PTPN12: variants seen among roughly 807,000 people sequenced by gnomAD.
The protein encoded by PTPN12 is protein tyrosine phosphatase non-receptor type 12, also known as tyrosine-protein phosphatase non-receptor type 12.
Under a neutral mutation model 97.6 loss-of-function variants are expected in PTPN12, and 29 were observed. That is an observed-to-expected ratio of 0.30 (90% CI 0.22 to 0.41). The LOEUF (loss-of-function observed/expected upper bound fraction) is 0.41, where lower values mean the gene tolerates loss of function less well. Ranked by LOEUF, PTPN12 falls within the 10% of genes least tolerant of loss-of-function variation. PTPN12 has a pLI of 1.00. For missense variants in PTPN12, 819 were observed against 926.0 expected (o/e 0.88, Z 1.50); for synonymous variants, 327 against 300.4 (o/e 1.09, Z -0.91).
chr7:77,571,994 T>C (rs543585701), intron 2 of PTPN12, among the ~76,000 whole-genome samples: 1 of 152,334 alleles, frequency 6.6e-6, no homozygotes, highest in South Asian at 2.1e-4. Flanking sequence ...TTTTTCTTTC[T>C]TCATAAGTAT....
At chr7:77,636,390 T>C (rs118129645) in intron 15 of PTPN12, among the ~76,000 whole-genome samples, 2,785 of 152,150 alleles carry the variant, frequency 0.018, 33 homozygotes, top group Middle Eastern at 0.071. Flanking sequence ...AAGACCATCC[T>C]GGGCAACATG....
intron 2 of PTPN12, among the ~76,000 whole-genome samples, chr7:77,573,857 T>C (rs2151322369): frequency 6.6e-6 from 1 of 152,340 alleles, no homozygotes; most frequent in East Asian, 1.9e-4. Flanking sequence ...GCCTACCAGC[T>C]TCAAGCTATT....
chr7:77,573,130 A>G lies in PTPN12; in HGVS notation c.208+1944A>G, dbSNP rs117619674. On this transcript the variant is annotated intron_variant, in intron 2 of 17. Transcript: ENST00000248594. ...CAAAAAAAACCAGTGTACCTAGCAC[A>G]TAGTAACCAATCATTAAGCTTTTGC... Among the ~76,000 whole-genome samples the G allele has an allele frequency of 5.1e-4, 76 of 149,732 alleles. 3 individuals are homozygous for G. In the East Asian group the frequency reaches 0.015, roughly 29 times the overall value.
intron 7 of PTPN12, among the ~76,000 whole-genome samples, chr7:77,599,317 CT>C (rs10624183): frequency 6.1e-4 from 76 of 123,872 alleles, no homozygotes; most frequent in Non-Finnish European, 7.4e-4. Context: ...AGCGCCCCGA[CT>C]TTTTTTTTTT....
At chr7:77,592,120 ATATT>A in intron 5 of PTPN12, 61 bp from the exon 6 acceptor site, 1 of 1,398,654 alleles carries the variant, frequency 7.1e-7, no homozygotes, top group Non-Finnish European at 9.9e-7. Context: ...AGGACACAAA[ATATT>A]TATAACAGTT....
At chr7:77,565,703 T>C (rs895963332) in intron 1 of PTPN12, among the ~76,000 whole-genome samples, 1 of 152,234 alleles carries the variant, frequency 6.6e-6, no homozygotes, top group Non-Finnish European at 1.5e-5. Flanking sequence ...CTTTTGAGAA[T>C]CCATTTATTG....
chr7:77,569,412 A>C (rs757530960), intron 1 of PTPN12, among the ~76,000 whole-genome samples: 4 of 152,182 alleles, frequency 2.6e-5, no homozygotes, highest in Non-Finnish European at 4.4e-5. Flanking sequence ...GATGGTATGA[A>C]TAAAACAAAT....
chr7:77,607,349 T>A, intron 9 of PTPN12, 48 bp downstream of exon 9: 1 of 1,314,022 alleles, frequency 7.6e-7, no homozygotes, highest in Non-Finnish European at 1.1e-6. Flanking sequence ...CTATTATGAT[T>A]TTCAAACTTA....
chr7:77,613,241 C>T (rs1316674560), intron 11 of PTPN12, among the ~76,000 whole-genome samples: 1 of 120,966 alleles, frequency 8.3e-6, no homozygotes, highest in Non-Finnish European at 1.6e-5. Context: ...GTAGCACAGT[C>T]TCGGCTCACT....
intron 1 of PTPN12, among the ~76,000 whole-genome samples, chr7:77,564,744 G>A (rs1232779775): frequency 6.4e-4 from 22 of 34,364 alleles, no homozygotes; most frequent in Admixed American, 3.4e-3. Context: ...TTTTGTTGTC[G>A]TGTTTTTTTT....
intron 2 of PTPN12, among the ~76,000 whole-genome samples, chr7:77,576,106 G>A (rs1286802668): frequency 2.6e-5 from 4 of 152,036 alleles, no homozygotes; most frequent in African/African-American, 9.7e-5. Flanking sequence ...CGCCTGCCTC[G>A]GCCTCCCAAA....
intron 1 of PTPN12, among the ~76,000 whole-genome samples, chr7:77,542,245 GT>G: frequency 6.6e-6 from 1 of 152,322 alleles, no homozygotes; most frequent in East Asian, 1.9e-4. Context: ...CATGGAGAAA[GT>G]AGGGAGGTGT....
intron 15 of PTPN12, among the ~76,000 whole-genome samples, chr7:77,636,590 C>T (rs944062174): frequency 6.6e-5 from 10 of 152,126 alleles, no homozygotes; most frequent in Non-Finnish European, 1.5e-4. Flanking sequence ...TCAGCAACAA[C>T]ACATTTGTCC....
chr7:77,637,917 T>G (rs942355767), intron 16 of PTPN12, among the ~76,000 whole-genome samples: 9 of 148,798 alleles, frequency 6.0e-5, no homozygotes, highest in African/African-American at 2.2e-4. Context: ...AGTGCATTAA[T>G]TAACCCTGAC....
chr7:77,611,884 C>T (rs1394157145), intron 11 of PTPN12, among the ~76,000 whole-genome samples: 1 of 152,156 alleles, frequency 6.6e-6, no homozygotes, highest in Non-Finnish European at 1.5e-5. Flanking sequence ...GACAAAAACA[C>T]TGTATTCTCT....
At chr7:77,622,769 C>T (rs189590809) in intron 12 of PTPN12, among the ~76,000 whole-genome samples, 1 of 147,592 alleles carries the variant, frequency 6.8e-6, no homozygotes, top group Non-Finnish European at 1.5e-5. Flanking sequence ...AGACTCTTGT[C>T]TCAAAAAAAA....
intron 1 of PTPN12, among the ~76,000 whole-genome samples, chr7:77,542,358 G>T (rs1807019223): frequency 6.6e-6 from 1 of 152,160 alleles, no homozygotes. Flanking sequence ...TACTTAGATA[G>T]GTTCTGGTAG....
At chr7:77,573,093 A>AAAC (rs1787208836) in intron 2 of PTPN12, among the ~76,000 whole-genome samples, 1 of 46,664 alleles carries the variant, frequency 2.1e-5, no homozygotes, top group South Asian at 6.4e-4. Flanking sequence ...AAAAAAAAAA[A>AAAC]AAACAAAAAA....
chr7:77,638,019 G>T (rs1389402789), intron 16 of PTPN12, among the ~76,000 whole-genome samples: 1 of 127,180 alleles, frequency 7.9e-6, no homozygotes, highest in African/African-American at 3.0e-5. Flanking sequence ...GTGCAGTGGC[G>T]CGATCTCGGC....
Sources: gnomAD v4.1 joint callset for allele counts (sites outside exome capture counted in the v4.1 genomes callset) on GRCh38, gnomAD v4.1.1 for gene constraint, MANE v1.5 for transcripts, NCBI Gene and HGNC (gene_info 2026-07-23, HGNC 2026-07-21) for gene names.